Variants in MACROD2 observed in about 807,000 individuals in gnomAD.
MACROD2 encodes the protein mono-ADP ribosylhydrolase 2, also known as ADP-ribose glycohydrolase MACROD2.
A neutral mutation model predicts 70.4 loss-of-function variants in MACROD2; 36 were observed. The observed-to-expected ratio is 0.51, with a 90% confidence interval of 0.39 to 0.68. The LOEUF is 0.68. MACROD2 is among the 30% of genes least tolerant of loss of function. The pLI is 0.00. For missense variants in MACROD2, 496 were observed against 538.4 expected, an observed-to-expected ratio of 0.92 and a Z score of 0.78; for synonymous variants, 172 against 178.8, an observed-to-expected ratio of 0.96 and a Z score of 0.30.
chr20:15,538,927 A>G (rs1322302858), intron 8 of MACROD2, among the ~76,000 whole-genome samples: 1 of 152,082 alleles, frequency 6.6e-6, no homozygotes, highest in African/African-American at 2.4e-5. Context: ...TATGAAATAT[A>G]TTTTAGGGCA....
chr20:14,831,637 A>T (rs769401189), intron 5 of MACROD2, among the ~76,000 whole-genome samples: 41 of 151,592 alleles, frequency 2.7e-4, no homozygotes, highest in Non-Finnish European at 5.7e-4. Flanking sequence ...AACAATAGCC[A>T]GGTGTGGTGG....
intron 3 of MACROD2, among the ~76,000 whole-genome samples, chr20:14,423,862 A>G (rs2083905130): frequency 6.9e-6 from 1 of 144,378 alleles, no homozygotes. Context: ...TCCTGGGTTC[A>G]AGAGATTCTC....
intron 5 of MACROD2, among the ~76,000 whole-genome samples, chr20:15,142,090 T>C (rs1409023097): frequency 1.3e-5 from 2 of 152,206 alleles, no homozygotes; most frequent in Admixed American, 6.5e-5. Flanking sequence ...TCTTGAATTA[T>C]GACTGTGTGC....
At chr20:14,828,033 A>G (rs1384438173) in intron 5 of MACROD2, among the ~76,000 whole-genome samples, 1 of 152,046 alleles carries the variant, frequency 6.6e-6, no homozygotes, top group Non-Finnish European at 1.5e-5. Context: ...ATTCATTGGT[A>G]AAGTTCGGGA....
chr20:15,928,570 G>T (rs545593399), intron 10 of MACROD2, among the ~76,000 whole-genome samples: 21 of 152,164 alleles, frequency 1.4e-4, no homozygotes, highest in African/African-American at 4.6e-4. Context: ...GCTAGCTGTG[G>T]AATCTTAACA....
At chr20:14,619,512 A>AAAGGAAGGAAGGAGGGAGGGGAGGAAGG in intron 4 of MACROD2, among the ~76,000 whole-genome samples, 1 of 48,962 alleles carries the variant, frequency 2.0e-5, no homozygotes, top group African/African-American at 8.9e-5. Context: ...AGGAAGGAGG[A>AAAGGAAGGAAGGAGGGAGGGGAGGAAGG]AAGGAGGGAA....
intron 7 of MACROD2, among the ~76,000 whole-genome samples, chr20:15,463,998 C>T (rs1211676495): frequency 6.6e-6 from 1 of 152,142 alleles, no homozygotes; most frequent in African/African-American, 2.4e-5. Context: ...TTGCACCCAT[C>T]AGTTGATACT....
chr20:15,216,808 A>C (rs940604646), intron 5 of MACROD2, among the ~76,000 whole-genome samples: 1 of 152,124 alleles, frequency 6.6e-6, no homozygotes, highest in African/African-American at 2.4e-5. Context: ...TGCTCCTCAC[A>C]TTCTCTGCCC....
At chr20:15,009,418 T>C (rs1200703221) in intron 5 of MACROD2, among the ~76,000 whole-genome samples, 3 of 152,146 alleles carry the variant, frequency 2.0e-5, no homozygotes, top group African/African-American at 4.8e-5. Context: ...GCCCCTCTAA[T>C]CAACTTTTCA....
intron 5 of MACROD2, among the ~76,000 whole-genome samples, chr20:14,763,482 C>T (rs1269477490): frequency 6.6e-6 from 1 of 151,944 alleles, no homozygotes; most frequent in East Asian, 1.9e-4. Context: ...GGTAAGAGGT[C>T]AGGGATGCAT....
intron 6 of MACROD2, among the ~76,000 whole-genome samples, chr20:15,396,138 G>A (rs547244058): frequency 1.2e-4 from 18 of 152,286 alleles, no homozygotes; most frequent in African/African-American, 4.3e-4. Context: ...AGGACTAGAG[G>A]AAATCTTTCT....
intron 3 of MACROD2, among the ~76,000 whole-genome samples, chr20:14,274,904 CAA>C: frequency 1.3e-5 from 2 of 150,954 alleles, no homozygotes; most frequent in East Asian, 3.9e-4. Flanking sequence ...ACAATTGCTT[CAA>C]AGAGTATAAA....
chr20:15,021,181 T>C lies in MACROD2; in HGVS notation c.419-208759T>C, dbSNP rs1218473600. 8.8e-5 allele frequency among the ~76,000 whole-genome samples: 11 copies of C among 124,978 alleles called. 2 individuals are homozygous for C. The highest frequency in any genetic ancestry group is 1.7e-4 in the Non-Finnish European group (10 of 58,464). 82.0% of individuals were successfully genotyped at this position (124,978 alleles called of 152,430 possible). A position where few individuals can be genotyped will look rare whatever the true frequency, so the allele number is the denominator to read the frequency against. On this transcript the variant is annotated intron_variant, in intron 5 of 17. Transcript: ENST00000684519. ...CTGTGTGTATGTATACACATACAGG[T>C]GTGCGTATACACACACCTGTGTGTA...
intron 8 of MACROD2, among the ~76,000 whole-genome samples, chr20:15,638,079 A>ACTGAGCT (rs2049397699): frequency 6.6e-6 from 1 of 152,138 alleles, no homozygotes; most frequent in Non-Finnish European, 1.5e-5. Flanking sequence ...ATGTGTTCTA[A>ACTGAGCT]CTGAGCTCCC....
chr20:15,818,305 G>T (rs1371151667), intron 8 of MACROD2, among the ~76,000 whole-genome samples: 2 of 152,122 alleles, frequency 1.3e-5, no homozygotes, highest in African/African-American at 4.8e-5. Context: ...TTGATTGTAT[G>T]CTAAACAAAT....
At chr20:14,081,354 C>G (rs923063573) in intron 2 of MACROD2, among the ~76,000 whole-genome samples, 1 of 152,196 alleles carries the variant, frequency 6.6e-6, no homozygotes, top group African/African-American at 2.4e-5. Flanking sequence ...ACTGAGGTCT[C>G]TTTCCCTTTA....
intron 4 of MACROD2, among the ~76,000 whole-genome samples, chr20:14,556,485 CT>C (rs1248235193): frequency 4.0e-5 from 6 of 150,410 alleles, no homozygotes; most frequent in Admixed American, 4.0e-4. Context: ...CCAAGAAAGT[CT>C]TGTTTTCTTT....
intron 10 of MACROD2, among the ~76,000 whole-genome samples, chr20:15,886,940 G>A (rs1361929337): frequency 1.3e-5 from 2 of 152,068 alleles, no homozygotes; most frequent in South Asian, 2.1e-4. Flanking sequence ...ATATTAGAAG[G>A]ATATAGAGCT....
chr20:14,813,595 G>C (rs751249818), intron 5 of MACROD2, among the ~76,000 whole-genome samples: 2 of 152,010 alleles, frequency 1.3e-5, no homozygotes, highest in Admixed American at 6.6e-5. Flanking sequence ...TCTTTACAAG[G>C]ATATTTTAAA....
Sources: allele counts gnomAD v4.1 joint callset (sites outside exome capture counted in the v4.1 genomes callset), GRCh38; gene constraint gnomAD v4.1.1; transcripts MANE v1.5; gene names NCBI Gene and HGNC (gene_info 2026-07-23, HGNC 2026-07-21).